PCDHGB7: variants seen among roughly 807,000 people sequenced by gnomAD.
The protein encoded by PCDHGB7 is protocadherin gamma-B7.
A neutral mutation model predicts 61.4 loss-of-function variants in PCDHGB7; 37 were observed. The observed-to-expected ratio is 0.60, with a 90% CI of 0.46 to 0.79. PCDHGB7 has a LOEUF of 0.79. PCDHGB7 is among the 30% of genes least tolerant of loss of function. The pLI is 0.00. For synonymous variants in PCDHGB7, 464 were observed against 503.5 expected, an observed-to-expected ratio of 0.92 and a Z score of 1.05; for missense variants, 1,166 against 1,202.5, an observed-to-expected ratio of 0.97 and a Z score of 0.45.
intron 1 of PCDHGB7, chr5:141,423,007 G>A: frequency 6.2e-7 from 1 of 1,614,242 alleles, no homozygotes; most frequent in Non-Finnish European, 8.5e-7. Flanking sequence ...CAAGGTGGTT[G>A]CGGTGGACAA....
Position 141,418,123 on chromosome 5 carries a change from C to A in PCDHGB7, c.264C>A (p.Asp88Glu), listed in dbSNP as rs1049456676. The change falls in exon 1 of 4, where the codon GAC (aspartate) becomes GAA (glutamate). Residue 88 changes from aspartate (D) to glutamate (E), a missense_variant. Asp to Glu is a conservative substitution (Grantham distance 45). Transcript: ENST00000398594. The stretch of plus-strand genomic sequence containing the variant: ...AGAGCGGGGACTTACTTGTGAAGGA[C>A]CGAATAGACCGTGAGCAAATATGCA... ...DAQSGDLLVK[D>E]RIDREQICKE... The A allele has an allele frequency of 5.0e-6, 8 of 1,613,914 alleles. No individual in the cohort carries two copies. Among genetic ancestry groups the A allele is most frequent in the Admixed American group, 3.3e-5 (2 of 60,008 alleles).
intron 2 of PCDHGB7, among the ~76,000 whole-genome samples, chr5:141,500,431 G>A (rs1340129330): frequency 6.6e-6 from 1 of 151,476 alleles, no homozygotes; most frequent in Non-Finnish European, 1.5e-5. Flanking sequence ...GGATGGTCTC[G>A]ATCTCCTGAC....
At chr5:141,434,978 C>G (rs1287204052) in intron 1 of PCDHGB7, among the ~76,000 whole-genome samples, 2 of 151,700 alleles carry the variant, frequency 1.3e-5, no homozygotes, top group Non-Finnish European at 2.9e-5. Flanking sequence ...TTTGTTAATA[C>G]TCTATATCAT....
At chr5:141,450,919 G>A (rs1489017891) in intron 1 of PCDHGB7, among the ~76,000 whole-genome samples, 2 of 151,024 alleles carry the variant, frequency 1.3e-5, no homozygotes, top group African/African-American at 4.9e-5. Context: ...CTGCCTCCCA[G>A]ATTCAAGCAA....
At chr5:141,481,838 T>G (rs1297962011) in intron 1 of PCDHGB7, among the ~76,000 whole-genome samples, 2 of 150,868 alleles carry the variant, frequency 1.3e-5, no homozygotes, top group African/African-American at 4.9e-5. Flanking sequence ...GGAGAATCGC[T>G]TGATGGTGGA....
chr5:141,448,851 A>T (rs1374003271), intron 1 of PCDHGB7, among the ~76,000 whole-genome samples: 1 of 152,124 alleles, frequency 6.6e-6, no homozygotes, highest in Admixed American at 6.5e-5. Context: ...AGGCTGAGGC[A>T]GGAGAATGGC....
chr5:141,494,751 G>C (rs2099756509), intron 1 of PCDHGB7, 56 bp from the exon 2 acceptor site: 2 of 1,613,426 alleles, frequency 1.2e-6, no homozygotes, highest in African/African-American at 1.3e-5. Flanking sequence ...AGGGGCTCGG[G>C]TGACATTCTA....
In PCDHGB7 at chr5:141,418,503, T is replaced by G. The variant is rs2096264259; in HGVS notation, c.644T>G (p.Leu215Ter). The G allele has an allele frequency of 6.2e-7, 1 of 1,613,828 alleles. No individual in the cohort carries two copies. Residue 215 changes from leucine (L) to a stop codon, truncating the protein, a stop_gained, in exon 1 of 4, where the codon TTA (leucine) becomes TGA (stop). Transcript: ENST00000398594. LOFTEE classifies it high-confidence loss of function. Reference protein sequence around the residue: ...QSAHHLVLTALDGGDPPRSGT... With the variant: ...QSAHHLVLTA ...GCTCACCACTTGGTACTGACCGCCT[T>G]AGATGGTGGGGACCCTCCCCGAAGC...
At chr5:141,460,483 C>G (rs2098990314) in intron 1 of PCDHGB7, among the ~76,000 whole-genome samples, 1 of 152,046 alleles carries the variant, frequency 6.6e-6, no homozygotes, top group African/African-American at 2.4e-5. Flanking sequence ...ATCCAATTGT[C>G]TCTTTGGAAA....
At position 141,491,303 on chromosome 5, in the gene PCDHGB7, C is replaced by T; in HGVS notation, c.2416-3504C>T. On this transcript the variant is annotated intron_variant, in intron 1 of 3. Coordinates refer to ENST00000398594, the MANE Select transcript of PCDHGB7 (RefSeq NM_018927.4). This position sits in a 1 kb window ranked among gnomAD's most constrained non-coding sequence, Gnocchi z 6.9. ...TTCCTCATACACCCTCCTGAGCGTT[C>T]AGACCTTACCCTTTACCTCATTGTG... 6.2e-7 allele frequency: 1 copy of T among 1,614,132 alleles called. No homozygotes were observed. The highest frequency in any genetic ancestry group is 8.5e-7 in the Non-Finnish European group (1 of 1,179,962).
chr5:141,419,830 T>G lies in PCDHGB7; in HGVS notation c.1971T>G (p.Thr657=). The G allele has an allele frequency of 6.2e-7, 1 of 1,614,052 alleles. No individual in the cohort carries two copies. The highest frequency in any genetic ancestry group is 1.3e-5 in the African/African-American group (1 of 75,074). ...GAGGACAGCCACCCCTTTCAGCCACTGCCACGCTGCACCTGGTGTTCGCAG... is the reference window on the plus strand; with the variant it reads ...GAGGACAGCCACCCCTTTCAGCCACGGCCACGCTGCACCTGGTGTTCGCAG... The part of the protein sequence containing the change: ...RDGGQPPLSA[T]ATLHLVFADS... The change falls in exon 1 of 4, where the codon ACT becomes ACG. Residue 657 remains threonine (T), a synonymous_variant. Coordinates refer to ENST00000398594, the MANE Select transcript of PCDHGB7 (RefSeq NM_018927.4).
intron 2 of PCDHGB7, among the ~76,000 whole-genome samples, chr5:141,503,393 G>A (rs954734829): frequency 2.0e-5 from 3 of 151,824 alleles, no homozygotes; most frequent in African/African-American, 4.8e-5. Flanking sequence ...TCAGGAGTTC[G>A]AAACCAACCT....
chr5:141,484,230 G>A (rs1325484143), intron 1 of PCDHGB7, among the ~76,000 whole-genome samples: 2 of 152,174 alleles, frequency 1.3e-5, no homozygotes, highest in Non-Finnish European at 2.9e-5. Flanking sequence ...CAGGTAAAGA[G>A]ATCTGGTCCT....
intron 1 of PCDHGB7, among the ~76,000 whole-genome samples, chr5:141,465,907 G>C (rs1367648934): frequency 6.6e-6 from 1 of 152,056 alleles, no homozygotes; most frequent in East Asian, 1.9e-4. Flanking sequence ...CAAATCACGA[G>C]GTCAGGATTT....
At chr5:141,501,883 G>A (rs1204174131) in intron 2 of PCDHGB7, among the ~76,000 whole-genome samples, 1 of 152,022 alleles carries the variant, frequency 6.6e-6, no homozygotes, top group African/African-American at 2.4e-5. Flanking sequence ...TTACACTCCT[G>A]ATCATCATGG....
Position 141,485,208 on chromosome 5 carries a change from G to T in PCDHGB7, c.2416-9599G>T, listed in dbSNP as rs2099609377. On this transcript the variant is annotated intron_variant, in intron 1 of 3. Coordinates refer to ENST00000398594, the MANE Select transcript of PCDHGB7 (RefSeq NM_018927.4). This position sits in a 1 kb window ranked among gnomAD's most constrained non-coding sequence, Gnocchi z 5.7. ...AAGGTGAGAAGCTGGACAGAAATCT[G>T]GCGGTGGGCTACCCTTTTGTTCCTC... The T allele has an allele frequency of 6.2e-7, 1 of 1,613,998 alleles. No homozygotes were observed. The highest frequency in any genetic ancestry group is 1.3e-5 in the African/African-American group (1 of 74,930).
Position 141,420,293 on chromosome 5 carries a change from A to G in PCDHGB7, c.2415+19A>G. The G allele has an allele frequency of 1.3e-6, 2 of 1,485,602 alleles. No homozygotes were observed. Among genetic ancestry groups the G allele is most frequent in the Non-Finnish European group, 9.1e-7 (1 of 1,103,074 alleles). The allele number at this position is 1,485,602 out of a possible 1,614,324, so 92.0% of individuals were successfully genotyped here. On this transcript the variant is annotated intron_variant, in intron 1 of 3. Transcript: ENST00000398594. ...TAAACAGGTAAGTATTTAAAAATGTATTTAATCCTTTTTATATTACAATAT... is the reference window on the plus strand; with the variant it reads ...TAAACAGGTAAGTATTTAAAAATGTGTTTAATCCTTTTTATATTACAATAT...
In PCDHGB7 at chr5:141,491,409, G is replaced by T; in HGVS notation, c.2416-3398G>T. The T allele has an allele frequency of 6.8e-6, 11 of 1,614,118 alleles. No individual in the cohort carries two copies. Among genetic ancestry groups the T allele is most frequent in the Non-Finnish European group, 9.3e-6 (11 of 1,180,014 alleles). On this transcript the variant is annotated intron_variant, in intron 1 of 3. Coordinates refer to ENST00000398594, the MANE Select transcript of PCDHGB7 (RefSeq NM_018927.4). The surrounding 1 kb of genome is among the most constrained non-coding windows in gnomAD (Gnocchi z 6.9). ...AGTGCCTTCAGGGAAACGCAGACGG[G>T]GACGGGGGTGGAGGGCAGTGCTGCA...
chr5:141,488,939 T>C (rs1229571704), intron 1 of PCDHGB7, among the ~76,000 whole-genome samples: 1 of 152,114 alleles, frequency 6.6e-6, no homozygotes, highest in Non-Finnish European at 1.5e-5. Context: ...GGAAACTCCA[T>C]AATTGGTTGA....
Sources: allele counts gnomAD v4.1 joint callset (sites outside exome capture counted in the v4.1 genomes callset), GRCh38; gene constraint gnomAD v4.1.1; non-coding constraint Gnocchi (gnomAD v3.1); transcripts MANE v1.5; gene names NCBI Gene and HGNC (gene_info 2026-07-23, HGNC 2026-07-21).